Variants in LRRC37A2 observed in about 807,000 individuals in gnomAD.
LRRC37A2 encodes the protein leucine rich repeat containing 37 member A2, also known as leucine-rich repeat-containing protein 37A2.
In LRRC37A2, 9 loss-of-function variants were observed where a neutral mutation model predicts 68.8. That is an observed-to-expected ratio of 0.13 (90% CI 0.08 to 0.23). The LOEUF (loss-of-function observed/expected upper bound fraction) is 0.23. Among genes scored for constraint, LRRC37A2 ranks in the 10% least tolerant of loss-of-function variants. The pLI is 1.00. For missense variants in LRRC37A2, 168 were observed against 950.4 expected (o/e 0.18, Z 10.82); for synonymous variants, 63 against 367.6 (o/e 0.17, Z 9.48).
At chr17:46,978,635 C>G in the LRRC37A2 span, 4 of 1,584,074 alleles carry the variant, frequency 2.5e-6, no homozygotes, top group Non-Finnish European at 3.4e-6. Flanking sequence ...AGGGCGGACC[C>G]AGATGGCGCT....
At chr17:46,755,820 T>C in the LRRC37A2 span, 2 of 1,612,420 alleles carry the variant, frequency 1.2e-6, no homozygotes, top group Non-Finnish European at 1.7e-6. Flanking sequence ...TTGATTTTGA[T>C]TGAAAATGAA....
At chr17:46,768,225 G>A in the LRRC37A2 span, 1 of 1,570,292 alleles carries the variant, frequency 6.4e-7, no homozygotes. This position sits in a 1 kb window ranked among gnomAD's most constrained non-coding sequence, Gnocchi z 5.0. Flanking sequence ...AGAAACAGAA[G>A]GGGGTCGTCA....
At chr17:47,023,348 C>A in the LRRC37A2 span, among the ~76,000 whole-genome samples, 1 of 152,148 alleles carries the variant, frequency 6.6e-6, no homozygotes, top group African/African-American at 2.4e-5. Context: ...TGTGTCACAT[C>A]ATTATTTCAA....
chr17:46,796,081 C>T, the LRRC37A2 span, among the ~76,000 whole-genome samples: 5 of 152,350 alleles, frequency 3.3e-5, no homozygotes, highest in South Asian at 6.2e-4. Context: ...TGGCACCCTC[C>T]ACGCCTGCAG....
At chr17:46,873,630 G>A in the LRRC37A2 span, among the ~76,000 whole-genome samples, 6 of 152,044 alleles carry the variant, frequency 3.9e-5, no homozygotes, top group South Asian at 2.1e-4. Context: ...AGGCCGAAGC[G>A]GGTGGATCAC....
the LRRC37A2 span, among the ~76,000 whole-genome samples, chr17:46,951,576 C>G: frequency 6.6e-6 from 1 of 152,134 alleles, no homozygotes; most frequent in African/African-American, 2.4e-5. Context: ...GGAACTTGTT[C>G]CCAGGGACTT....
chr17:46,928,098 A>G, the LRRC37A2 span, among the ~76,000 whole-genome samples: 509 of 151,924 alleles, frequency 3.4e-3, 2 homozygotes, highest in African/African-American at 0.011. Flanking sequence ...TCATCCCACA[A>G]TATCCCAGAC....
the LRRC37A2 span, among the ~76,000 whole-genome samples, chr17:46,914,542 T>C: frequency 6.7e-6 from 1 of 148,530 alleles, no homozygotes; most frequent in African/African-American, 2.5e-5. Flanking sequence ...TCCCAGCTAC[T>C]CGGGAGGCTG....
chr17:46,532,118 C>T (rs1195784117), intron 6 of LRRC37A2, among the ~76,000 whole-genome samples: 10 of 150,122 alleles, frequency 6.7e-5, no homozygotes, highest in Non-Finnish European at 8.8e-5. Context: ...AGGCTGCTCT[C>T]GAACTCCTAA....
At chr17:46,906,972 T>G in the LRRC37A2 span, among the ~76,000 whole-genome samples, 3 of 152,156 alleles carry the variant, frequency 2.0e-5, no homozygotes, top group African/African-American at 4.8e-5. Flanking sequence ...CACAAAAAAC[T>G]CATAAGGAAA....
chr17:46,550,331 C>G (rs1351729363), intron 10 of LRRC37A2, 84 bp from the exon 10 acceptor site: 30 of 371,156 alleles, frequency 8.1e-5, no homozygotes, highest in Non-Finnish European at 1.3e-4. Flanking sequence ...TAAAAAAGAA[C>G]CTGTCAGCTA....
At chr17:46,937,307 A>G in the LRRC37A2 span, 1 of 152,254 alleles carries the variant, frequency 6.6e-6, no homozygotes, top group Non-Finnish European at 1.5e-5. Context: ...TACTCAGAAG[A>G]AACCTCAAAG....
the LRRC37A2 span, chr17:46,768,839 C>T: frequency 6.2e-7 from 1 of 1,600,462 alleles, no homozygotes; most frequent in South Asian, 1.1e-5. The surrounding 1 kb of genome is among the most constrained non-coding windows in gnomAD (Gnocchi z 5.0). Context: ...AGACCGACCC[C>T]ACGAGGGGGC....
At chr17:46,861,980 A>G in the LRRC37A2 span, among the ~76,000 whole-genome samples, 1 of 152,126 alleles carries the variant, frequency 6.6e-6, no homozygotes, top group East Asian at 1.9e-4. Flanking sequence ...CCTGGCCAAC[A>G]TGGTGAAACC....
At chr17:46,989,323 C>CA in the LRRC37A2 span, among the ~76,000 whole-genome samples, 1 of 152,206 alleles carries the variant, frequency 6.6e-6, no homozygotes, top group South Asian at 2.1e-4. Flanking sequence ...AAGCACAAGG[C>CA]AGGTTGGCTC....
chr17:46,979,164 G>T, the LRRC37A2 span: 1 of 790,546 alleles, frequency 1.3e-6, no homozygotes, highest in Non-Finnish European at 1.8e-6. Flanking sequence ...GCGCTCTCGG[G>T]CCGCCTACCC....
the LRRC37A2 span, among the ~76,000 whole-genome samples, chr17:46,774,409 G>T: frequency 6.6e-6 from 1 of 152,200 alleles, no homozygotes; most frequent in Non-Finnish European, 1.5e-5. Context: ...TCTTCCCTGC[G>T]ATGGTGCCAG....
chr17:46,923,314 T>C, the LRRC37A2 span: 1 of 1,542,942 alleles, frequency 6.5e-7, no homozygotes, highest in East Asian at 2.4e-5. Flanking sequence ...TCAGCCAGGG[T>C]AGAGGCCGAG....
At chr17:46,823,163 A>ATATTATATATTTATATATAATATATTAT in the LRRC37A2 span, among the ~76,000 whole-genome samples, 4 of 134,282 alleles carry the variant, frequency 3.0e-5, no homozygotes, top group Non-Finnish European at 6.1e-5. Context: ...TATATATTAT[A>ATATTATATATTTATATATAATATATTAT]TATTATATAT....
Sources: gnomAD v4.1 joint callset for allele counts (sites outside exome capture counted in the v4.1 genomes callset) on GRCh38, gnomAD v4.1.1 for gene constraint, Gnocchi (gnomAD v3.1) non-coding constraint, MANE v1.5 for transcripts, NCBI Gene and HGNC (gene_info 2026-07-23, HGNC 2026-07-21) for gene names.